Variants in VPS13A observed in about 807,000 individuals in gnomAD.
The protein encoded by VPS13A is intermembrane lipid transfer protein VPS13A.
A neutral mutation model predicts 390.9 loss-of-function variants in VPS13A; 264 were observed. The observed-to-expected ratio is 0.68, with a 90% confidence interval of 0.61 to 0.75. The LOEUF is 0.75. Among genes scored for constraint, VPS13A ranks in the 30% least tolerant of loss-of-function variants. The probability of loss-of-function intolerance (pLI) is 0.00; values close to 1 mark genes in which losing one functional copy is unlikely to be tolerated. For missense variants in VPS13A, 3,409 were observed against 3,733.9 expected (o/e 0.91, Z 2.27); for synonymous variants, 1,231 against 1,227.1 (o/e 1.00, Z -0.07).
intron 35 of VPS13A, among the ~76,000 whole-genome samples, chr9:77,313,493 G>A (rs1293006355): frequency 5.3e-5 from 8 of 152,086 alleles, no homozygotes; most frequent in African/African-American, 1.2e-4. Context: ...AAAGTGCTGC[G>A]TTTTCATTTT....
intron 35 of VPS13A, among the ~76,000 whole-genome samples, chr9:77,309,402 T>C (rs1828941380): frequency 6.6e-6 from 1 of 152,164 alleles, no homozygotes; most frequent in African/African-American, 2.4e-5. Flanking sequence ...AGGCAATTCT[T>C]TAAAGAAGTA....
At position 77,308,086 on chromosome 9, in the gene VPS13A, C is replaced by T. The variant is rs1239921684; in HGVS notation, c.4102C>T (p.His1368Tyr). The T allele has an allele frequency of 1.5e-5, 24 of 1,613,904 alleles. No homozygotes were observed. The highest frequency in any genetic ancestry group is 2.0e-5 in the Non-Finnish European group (24 of 1,179,892). Residue 1368 changes from histidine (H) to tyrosine (Y), a missense_variant, in exon 35 of 72, where the codon CAC becomes TAC. Transcript: ENST00000360280. ...ATSGVTTNASHHSGGATVVTA... is the reference protein window; with the variant it reads ...ATSGVTTNASYHSGGATVVTA... ...TAGTGGAGTTACTACTAATGCTTCA[C>T]ACCATTCAGGAGGTATGTTTTTAAC...
intron 71 of VPS13A, among the ~76,000 whole-genome samples, chr9:77,409,307 A>G (rs1170576989): frequency 6.6e-6 from 1 of 152,216 alleles, no homozygotes; most frequent in African/African-American, 2.4e-5. Context: ...GTACATCACC[A>G]TCATCAAAGA....
At chr9:77,351,562 T>C in intron 53 of VPS13A, 116 bp downstream of exon 53, 2 of 1,306,408 alleles carry the variant, frequency 1.5e-6, no homozygotes, top group Non-Finnish European at 2.2e-6. Context: ...AGGTGGGCCA[T>C]GAGTTGGAGA....
chr9:77,298,504 T>G (rs545435410), intron 33 of VPS13A, among the ~76,000 whole-genome samples: 1 of 152,184 alleles, frequency 6.6e-6, no homozygotes, highest in Admixed American at 6.5e-5. Context: ...GCTGATATTG[T>G]TAACCATGAA....
intron 34 of VPS13A, among the ~76,000 whole-genome samples, chr9:77,306,384 CAGAGAGAG>C (rs5898532): frequency 0.016 from 2,352 of 142,970 alleles, 61 homozygotes; most frequent in African/African-American, 0.06. Context: ...TAGGGTTCTC[CAGAGAGAG>C]AGAGAGAGAG....
chr9:77,410,884 G>T (rs934975641), intron 71 of VPS13A, among the ~76,000 whole-genome samples: 9 of 151,848 alleles, frequency 5.9e-5, no homozygotes, highest in Non-Finnish European at 1.3e-4. Context: ...AGATCAACGA[G>T]ACAAAGTTAA....
At chr9:77,228,851 GA>G (rs1416260830) in intron 17 of VPS13A, among the ~76,000 whole-genome samples, 1 of 152,084 alleles carries the variant, frequency 6.6e-6, no homozygotes, top group African/African-American at 2.4e-5. Context: ...AAGAGAAAAT[GA>G]GGAAGATACA....
chr9:77,302,330 A>G (rs17063521), intron 33 of VPS13A, among the ~76,000 whole-genome samples: 6,574 of 146,846 alleles, frequency 0.045, 222 homozygotes, highest in Middle Eastern at 0.064. Context: ...ACTTTTTACC[A>G]TATTCCAAAA....
chr9:77,247,205 A>G, intron 19 of VPS13A, 54 bp from the exon 20 acceptor site: 1 of 1,411,086 alleles, frequency 7.1e-7, no homozygotes, highest in Non-Finnish European at 9.7e-7. Flanking sequence ...GTGATTCTGT[A>G]TTTCTCGAGT....
rs892377640 is a variant in VPS13A, at chr9:77,403,245, A to G, written c.9199A>G (p.Asn3067Asp). 4.3e-6 allele frequency: 7 copies of G among 1,611,718 alleles called. No individual in the cohort carries two copies. Among genetic ancestry groups the G allele is most frequent in the Non-Finnish European group, 5.9e-6 (7 of 1,179,066 alleles). Reference sequence around the variant, plus strand: ...CACTTTTTTCTTTTAGGTCATGGAAAATGGAAGATTTGCAAAATACAAATA... The same window carrying G: ...CACTTTTTTCTTTTAGGTCATGGAAGATGGAAGATTTGCAAAATACAAATA... Reference protein sequence around the residue: ...TGNQMLQVMENGRFAKYKYFT... With the variant: ...TGNQMLQVMEDGRFAKYKYFT... The change falls in exon 69 of 72, where the codon AAT becomes GAT. Residue 3067 changes from asparagine to aspartate, a missense_variant. Around this residue, in one of 5 missense-constraint regions of VPS13A, gnomAD observed 318 missense variants for 333.7 expected, o/e 0.95. Transcript: ENST00000360280.
intron 22 of VPS13A, among the ~76,000 whole-genome samples, chr9:77,255,093 G>C (rs76518743): frequency 5.9e-5 from 9 of 152,086 alleles, no homozygotes; most frequent in African/African-American, 2.2e-4. Flanking sequence ...AAAGCTTTCA[G>C]TATTTCACCA....
intron 22 of VPS13A, among the ~76,000 whole-genome samples, chr9:77,256,076 T>TAAA (rs1292035033): frequency 6.6e-6 from 1 of 152,090 alleles, no homozygotes; most frequent in Non-Finnish European, 1.5e-5. Flanking sequence ...CCTTAAGGTG[T>TAAA]AAAGTTAGGC....
chr9:77,214,503 G>A, intron 10 of VPS13A, 117 bp downstream of exon 10: 1 of 734,424 alleles, frequency 1.4e-6, no homozygotes, highest in African/African-American at 1.8e-5. Flanking sequence ...ATAGTTAAAT[G>A]TATTTATAAT....
rs773562780 is a variant in VPS13A at position 77,321,461 on chromosome 9, A to G, written c.5575-30A>G. The G allele has an allele frequency of 5.0e-6, 8 of 1,612,050 alleles. No individual in the cohort carries two copies. The East Asian group carries it at 1.8e-4, about 36-fold the overall frequency. On this transcript the variant is annotated intron_variant, in intron 43 of 71. Coordinates refer to ENST00000360280, the MANE Select transcript of VPS13A (RefSeq NM_033305.3). ...CTTGTCATTTAATTTTACACATTTC[A>G]TTTTATTTAGCATAACTCTTTCTTA...
intron 23 of VPS13A, among the ~76,000 whole-genome samples, chr9:77,270,302 A>C (rs74726145): frequency 6.6e-6 from 1 of 152,316 alleles, no homozygotes; most frequent in East Asian, 1.9e-4. Flanking sequence ...CCTCAAGTGG[A>C]AATGAGGAAC....
At chr9:77,321,395 A>T in intron 43 of VPS13A, 68 bp downstream of exon 43, 2 of 1,580,410 alleles carry the variant, frequency 1.3e-6, no homozygotes, top group East Asian at 2.2e-5. Context: ...GTTGAATAAG[A>T]AGTTTAATAA....
rs1345806442 is a variant in VPS13A, at chr9:77,419,800, T to C, written c.*3794T>C. On this transcript the variant is annotated 3_prime_UTR_variant, in exon 72 of 72. Transcript: ENST00000360280. ...ACATTGTCCTTTTGAGTCCGTTGAA[T>C]CTGCACCATCTACCTTTTGGCTGAT... The C allele has an allele frequency of 6.6e-6, 1 of 152,186 alleles. No individual in the cohort carries two copies. Among genetic ancestry groups the C allele is most frequent in the African/African-American group, 2.4e-5 (1 of 41,452 alleles). The allele number at this position is 152,186 out of a possible 1,614,324, so 9.4% of individuals were successfully genotyped here.
intron 68 of VPS13A, among the ~76,000 whole-genome samples, chr9:77,386,747 G>A (rs899768325): frequency 8.4e-5 from 12 of 143,108 alleles, no homozygotes; most frequent in South Asian, 2.2e-4. Flanking sequence ...TCGTTCTGTC[G>A]CCCAGGCTGG....
Sources: allele counts gnomAD v4.1 joint callset (sites outside exome capture counted in the v4.1 genomes callset), GRCh38; gene constraint gnomAD v4.1.1; regional missense constraint gnomAD v4.1.1; transcripts MANE v1.5; gene names NCBI Gene and HGNC (gene_info 2026-07-23, HGNC 2026-07-21).